NVL: variants seen among roughly 807,000 people sequenced by gnomAD.
NVL encodes the protein nuclear valosin-containing protein-like.
In NVL, 84 loss-of-function variants were observed where a neutral mutation model predicts 110.2. That is an observed-to-expected ratio of 0.76 (90% CI 0.64 to 0.91). The LOEUF is 0.91. NVL is among the 40% of genes least tolerant of loss of function. The pLI is 0.00. For missense variants in NVL, 882 were observed against 1,035.9 expected (o/e 0.85, Z 2.04); for synonymous variants, 354 against 361.1 (o/e 0.98, Z 0.22).
chr1:224,309,498 G>A (rs1045787865), intron 5 of NVL, among the ~76,000 whole-genome samples: 48 of 152,066 alleles, frequency 3.2e-4, no homozygotes, highest in African/African-American at 1.1e-3. Context: ...CAGCCTGGGT[G>A]ACAGAGCGAG....
intron 21 of NVL, among the ~76,000 whole-genome samples, chr1:224,232,725 G>A (rs1203641449): frequency 6.6e-6 from 1 of 152,080 alleles, no homozygotes; most frequent in African/African-American, 2.4e-5. Flanking sequence ...TGTGAAGGAT[G>A]GTGCAAAGCT....
intron 4 of NVL, among the ~76,000 whole-genome samples, chr1:224,313,555 G>C (rs114060118): frequency 0.02 from 2,982 of 152,254 alleles, 45 homozygotes; most frequent in Non-Finnish European, 0.029. Flanking sequence ...TGCATATAAA[G>C]AGGTATTATT....
intron 18 of NVL, among the ~76,000 whole-genome samples, chr1:224,256,523 T>TA (rs1663280072): frequency 1.3e-5 from 2 of 150,902 alleles, no homozygotes; most frequent in African/African-American, 4.9e-5. Flanking sequence ...ATACTGATGA[T>TA]AATTATAAAG....
chr1:224,255,648 G>T (rs939099174), intron 18 of NVL, among the ~76,000 whole-genome samples: 1 of 152,148 alleles, frequency 6.6e-6, no homozygotes, highest in Non-Finnish European at 1.5e-5. Flanking sequence ...GAGCTCAAAG[G>T]ATCCTCCCAC....
chr1:224,261,918 A>C (rs1379884893), intron 18 of NVL, among the ~76,000 whole-genome samples: 1 of 152,064 alleles, frequency 6.6e-6, no homozygotes, highest in Non-Finnish European at 1.5e-5. Context: ...TGGTGATTGC[A>C]CTACTGCACT....
intron 18 of NVL, among the ~76,000 whole-genome samples, chr1:224,251,271 CAAAAAAAAAA>C (rs35538758): frequency 1.3e-4 from 8 of 62,172 alleles, no homozygotes; most frequent in African/African-American, 4.5e-4. Flanking sequence ...GATACTGTCT[CAAAAAAAAAA>C]AAAAAAAAAA....
At chr1:224,278,662 T>C (rs1032249420) in intron 16 of NVL, among the ~76,000 whole-genome samples, 4 of 152,144 alleles carry the variant, frequency 2.6e-5, no homozygotes, top group Admixed American at 2.0e-4. Flanking sequence ...AATGAAAATA[T>C]CAGACACCAA....
At chr1:224,253,639 A>C (rs958214628) in intron 18 of NVL, among the ~76,000 whole-genome samples, 3 of 149,964 alleles carry the variant, frequency 2.0e-5, no homozygotes, top group African/African-American at 7.3e-5. Flanking sequence ...AGGCTGAGGC[A>C]GGAGAATCAC....
chr1:224,306,366 A>G (rs1668914262), intron 6 of NVL, among the ~76,000 whole-genome samples: 1 of 152,024 alleles, frequency 6.6e-6, no homozygotes, highest in Non-Finnish European at 1.5e-5. Flanking sequence ...TGCCGGGTTC[A>G]CGTCATTCTC....
At chr1:224,260,687 TTTC>T (rs1191688076) in intron 18 of NVL, among the ~76,000 whole-genome samples, 1 of 151,126 alleles carries the variant, frequency 6.6e-6, no homozygotes, top group Non-Finnish European at 1.5e-5. Flanking sequence ...TGCTTATTTA[TTTC>T]TTCTTTTCCT....
intron 11 of NVL, 107 bp downstream of exon 11, chr1:224,296,394 C>T: frequency 1.7e-6 from 1 of 585,596 alleles, no homozygotes. Context: ...TTTTTTTTTA[C>T]ACTATTTGAT....
At chr1:224,300,446 A>G (rs1267332825) in intron 10 of NVL, 116 bp downstream of exon 10, 3 of 605,358 alleles carry the variant, frequency 5.0e-6, no homozygotes, top group African/African-American at 1.9e-5. Context: ...CCATGTTTAT[A>G]TTAATAAAAG....
intron 1 of NVL, among the ~76,000 whole-genome samples, chr1:224,327,886 A>G (rs1671291167): frequency 6.6e-6 from 1 of 151,810 alleles, no homozygotes; most frequent in Non-Finnish European, 1.5e-5. Flanking sequence ...GTGACTGAAC[A>G]ACGAGAACAA....
intron 10 of NVL, among the ~76,000 whole-genome samples, chr1:224,298,960 T>A (rs1319441574): frequency 6.6e-6 from 1 of 152,064 alleles, no homozygotes; most frequent in Admixed American, 6.6e-5. Context: ...AAAAAAGAGA[T>A]AAGGATCAGT....
chr1:224,329,429 G>A (rs1671463945), intron 1 of NVL, among the ~76,000 whole-genome samples: 1 of 152,114 alleles, frequency 6.6e-6, no homozygotes, highest in South Asian at 2.1e-4. Context: ...GGTCCGAAAA[G>A]GAGATTGTTT....
At chr1:224,274,060 C>CACACACACACT (rs1553317811) in intron 17 of NVL, among the ~76,000 whole-genome samples, 1 of 12,482 alleles carries the variant, frequency 8.0e-5, no homozygotes, top group African/African-American at 2.2e-4. Flanking sequence ...ACACACACAC[C>CACACACACACT]CATATTGAAA....
intron 18 of NVL, 49 bp from the exon 19 acceptor site, chr1:224,250,367 A>AT: frequency 7.0e-7 from 1 of 1,427,582 alleles, no homozygotes. Flanking sequence ...TTTTATTTTT[A>AT]TTTTTTTATT....
intron 12 of NVL, among the ~76,000 whole-genome samples, chr1:224,293,861 T>G (rs1667612345): frequency 6.6e-6 from 1 of 152,216 alleles, no homozygotes; most frequent in Non-Finnish European, 1.5e-5. Flanking sequence ...TCACCCAGGT[T>G]GGAGCACAGT....
intron 17 of NVL, among the ~76,000 whole-genome samples, chr1:224,271,999 A>G (rs887241551): frequency 2.7e-5 from 4 of 148,094 alleles, no homozygotes; most frequent in South Asian, 2.2e-4. Flanking sequence ...GGGCAACAGA[A>G]CGAGACTCTG....
Sources: gnomAD v4.1 joint callset for allele counts (sites outside exome capture counted in the v4.1 genomes callset) on GRCh38, gnomAD v4.1.1 for gene constraint, MANE v1.5 for transcripts, NCBI Gene and HGNC (gene_info 2026-07-23, HGNC 2026-07-21) for gene names.